Variants in USP49 observed in about 807,000 individuals in gnomAD.
USP49 encodes ubiquitin specific peptidase 49, also known as ubiquitin carboxyl-terminal hydrolase 49.
USP49 carries 24 observed loss-of-function variants against 58.6 expected under a neutral mutation model. That is an observed-to-expected ratio of 0.41 (90% CI 0.30 to 0.58). The LOEUF (loss-of-function observed/expected upper bound fraction) is 0.58. Ranked by LOEUF, USP49 falls within the 20% of genes least tolerant of loss-of-function variation. The pLI is 0.30. For synonymous variants in USP49, 408 were observed against 365.1 expected (o/e 1.12, Z -1.34); for missense variants, 703 against 866.1 (o/e 0.81, Z 2.36).
intron 4 of USP49, among the ~76,000 whole-genome samples, chr6:41,804,573 AGT>A (rs1773075595): frequency 6.6e-6 from 1 of 152,174 alleles, no homozygotes; most frequent in Non-Finnish European, 1.5e-5. Flanking sequence ...AGACAGAAGA[AGT>A]GCTGATAAAT....
At chr6:41,864,796 A>ATC (rs1774281837) in intron 3 of USP49, among the ~76,000 whole-genome samples, 1 of 152,186 alleles carries the variant, frequency 6.6e-6, no homozygotes, top group African/African-American at 2.4e-5. Context: ...TAAGACAGAC[A>ATC]TCTAGCCAGT....
chr6:41,799,655 C>G (rs1314587391), intron 6 of USP49, among the ~76,000 whole-genome samples, 175 bp downstream of exon 6: 2 of 152,158 alleles, frequency 1.3e-5, no homozygotes, highest in African/African-American at 4.8e-5. Flanking sequence ...CTGCTGGGCT[C>G]CCACATCAAT....
intron 3 of USP49, among the ~76,000 whole-genome samples, chr6:41,819,447 T>G (rs1030437754): frequency 5.9e-5 from 9 of 152,118 alleles, no homozygotes; most frequent in African/African-American, 2.2e-4. Flanking sequence ...CTACAGCAGC[T>G]AGACAGGCAA....
At chr6:41,847,781 T>C (rs955324570) in intron 3 of USP49, among the ~76,000 whole-genome samples, 3 of 151,078 alleles carry the variant, frequency 2.0e-5, no homozygotes, top group Non-Finnish European at 4.4e-5. Context: ...AAAGAACTTA[T>C]AGGGCACGAT....
intron 4 of USP49, among the ~76,000 whole-genome samples, chr6:41,804,841 T>C (rs1374991865): frequency 6.6e-6 from 1 of 152,084 alleles, no homozygotes; most frequent in African/African-American, 2.4e-5. Context: ...CTCCGCCTCC[T>C]GGGCTTAAGC....
At chr6:41,858,158 T>A (rs1774162751) in intron 3 of USP49, among the ~76,000 whole-genome samples, 1 of 152,052 alleles carries the variant, frequency 6.6e-6, no homozygotes, top group Admixed American at 6.6e-5. Context: ...ACAAAGTCTG[T>A]CCCTAATTAG....
In USP49 at chr6:41,796,417, C is replaced by T. The variant is rs1772888145; in HGVS notation, c.*116G>A. 1.1e-5 allele frequency: 7 copies of T among 613,854 alleles called. No homozygotes were observed. Among genetic ancestry groups the T allele is most frequent in the Non-Finnish European group, 2.1e-5 (7 of 336,686 alleles). 38.0% of individuals were successfully genotyped at this position (613,854 alleles called of 1,614,324 possible). The stretch of plus-strand genomic sequence containing the variant: ...CACGAATCACCTGGCACCTTCTACT[C>T]TAGACCCAGCAAGGCAAACCTAGTA... On this transcript the variant is annotated 3_prime_UTR_variant, in exon 8 of 8. Transcript: ENST00000682992.
intron 2 of USP49, among the ~76,000 whole-genome samples, chr6:41,890,765 G>A (rs188838059): frequency 1.3e-5 from 2 of 152,120 alleles, no homozygotes; most frequent in East Asian, 3.9e-4. Context: ...AATTAGTGAG[G>A]GTATAAACAG....
intron 2 of USP49, among the ~76,000 whole-genome samples, chr6:41,880,141 GA>G (rs57885474): frequency 0.45 from 66,932 of 148,318 alleles, 15,047 homozygotes; most frequent in Middle Eastern, 0.5. Flanking sequence ...AACATTCACA[GA>G]AAAAAAAAAC....
intron 3 of USP49, among the ~76,000 whole-genome samples, chr6:41,854,649 T>C (rs913979506): frequency 6.6e-6 from 1 of 152,190 alleles, no homozygotes; most frequent in Non-Finnish European, 1.5e-5. Flanking sequence ...GATGTTAGTT[T>C]AGGTTGGTGT....
chr6:41,864,388 C>T (rs1774274736), intron 3 of USP49, among the ~76,000 whole-genome samples: 1 of 151,788 alleles, frequency 6.6e-6, no homozygotes. Context: ...CATGGTGAAA[C>T]CCTGTCTCTA....
chr6:41,800,064 G>C, intron 5 of USP49, 126 bp from the exon 6 acceptor site: 1 of 786,654 alleles, frequency 1.3e-6, no homozygotes, highest in South Asian at 1.6e-5. Context: ...CAATTTTTTG[G>C]GGGGCGCAAT....
At chr6:41,827,619 C>T (rs1209765938) in intron 3 of USP49, among the ~76,000 whole-genome samples, 1 of 147,844 alleles carries the variant, frequency 6.8e-6, no homozygotes, top group Non-Finnish European at 1.5e-5. Flanking sequence ...AAGATCGCAC[C>T]ACTACCCTCC....
chr6:41,849,458 C>CAT (rs1773982189), intron 3 of USP49, among the ~76,000 whole-genome samples: 1 of 152,102 alleles, frequency 6.6e-6, no homozygotes, highest in South Asian at 2.1e-4. Context: ...ACCTAATAGA[C>CAT]ATATATAGAG....
intron 4 of USP49, among the ~76,000 whole-genome samples, chr6:41,804,428 CCT>C (rs1773073338): frequency 6.6e-6 from 1 of 152,116 alleles, no homozygotes; most frequent in African/African-American, 2.4e-5. Context: ...GCCCAGCATG[CCT>C]CTCTTTTTGC....
At chr6:41,816,702 C>CTATTATTATTATTATTATTATTATTAT (rs10631115) in intron 3 of USP49, among the ~76,000 whole-genome samples, 1 of 149,526 alleles carries the variant, frequency 6.7e-6, no homozygotes, top group African/African-American at 2.5e-5. Context: ...GTTCCACACT[C>CTATTATTATTATTATTATTATTATTAT]TATTATTATT....
Position 41,839,405 on chromosome 6 carries a change from A to C in USP49, c.-29+32159T>G, listed in dbSNP as rs1338922696. 1.4e-4 allele frequency among the ~76,000 whole-genome samples: 4 copies of C among 29,234 alleles called. No individual in the cohort carries two copies. In the Admixed American group the frequency reaches 1.8e-3, roughly 13 times the overall value. 19.2% of individuals were successfully genotyped at this position (29,234 alleles called of 152,430 possible). A position where few individuals can be genotyped will look rare whatever the true frequency, so the allele number is the denominator to read the frequency against. On this transcript the variant is annotated intron_variant, in intron 3 of 7. Transcript: ENST00000682992. ...GGACAATAGAGCCAGGCCTTGTCTC[A>C]AAAAAAAAAAAAAAAAAAAAAAAAA...
intron 2 of USP49, among the ~76,000 whole-genome samples, chr6:41,876,906 G>A (rs1488714269): frequency 1.3e-5 from 2 of 152,168 alleles, no homozygotes; most frequent in African/African-American, 2.4e-5. Flanking sequence ...ATAGGATAGC[G>A]GGAAGAGAAC....
Position 41,806,555 on chromosome 6 carries a change from C to G in USP49, c.429G>C (p.Leu143=), listed in dbSNP as rs765387773. ...PQGQPQMLTA[L]WYRRQRLLAR... is the part of the protein sequence containing the mutation. ...CCAGCAGGCGCTGACGCCGGTACCA[C>G]AGAGCCGTGAGCATCTGCGGCTGTC... The change falls in exon 4 of 8, where the codon CTG becomes CTC. Residue 143 remains leucine, a synonymous_variant. Transcript: ENST00000682992. The surrounding 1 kb of genome is among the most constrained non-coding windows in gnomAD (Gnocchi z 5.9). The G allele has an allele frequency of 3.6e-5, 57 of 1,602,302 alleles. No individual in the cohort carries two copies. The highest frequency in any genetic ancestry group is 3.3e-4 in the Middle Eastern group (2 of 6,042).
Sources: allele counts gnomAD v4.1 joint callset (sites outside exome capture counted in the v4.1 genomes callset), GRCh38; gene constraint gnomAD v4.1.1; non-coding constraint Gnocchi (gnomAD v3.1); transcripts MANE v1.5; gene names NCBI Gene and HGNC (gene_info 2026-07-23, HGNC 2026-07-21).